Variants in CTIF observed in about 807,000 individuals in gnomAD.
The protein encoded by CTIF is cap binding complex dependent translation initiation factor.
Under a neutral mutation model 66.0 loss-of-function variants are expected in CTIF, and 21 were observed. The observed-to-expected ratio is 0.32, with a 90% CI of 0.23 to 0.46. CTIF has a LOEUF of 0.46. Among genes scored for constraint, CTIF ranks in the 20% least tolerant of loss-of-function variants. The probability of loss-of-function intolerance (pLI) is 1.00; values close to 1 mark genes in which losing one functional copy is unlikely to be tolerated. For missense variants in CTIF, 739 were observed against 812.7 expected (o/e 0.91, Z 1.10); for synonymous variants, 345 against 326.4 (o/e 1.06, Z -0.62).
intron 6 of CTIF, among the ~76,000 whole-genome samples, chr18:48,680,947 T>C (rs2091729670): frequency 6.6e-6 from 1 of 152,076 alleles, no homozygotes; most frequent in African/African-American, 2.4e-5. Context: ...CTGGGAGCAG[T>C]GGTGGTGGAG....
At chr18:48,565,508 G>A (rs1362514642) in intron 1 of CTIF, 1 of 152,056 alleles carries the variant, frequency 6.6e-6, no homozygotes, top group Non-Finnish European at 1.5e-5. Context: ...GGATTTTGCT[G>A]CTGACACCAG....
At chr18:48,596,165 G>A (rs764210185) in intron 1 of CTIF, among the ~76,000 whole-genome samples, 3 of 152,166 alleles carry the variant, frequency 2.0e-5, no homozygotes, top group Non-Finnish European at 4.4e-5. Context: ...TGCTTACCAC[G>A]GTGACATAGA....
chr18:48,806,396 T>C (rs891364521), intron 9 of CTIF, among the ~76,000 whole-genome samples: 1 of 152,048 alleles, frequency 6.6e-6, no homozygotes, highest in African/African-American at 2.4e-5. Flanking sequence ...TAAATAAAAG[T>C]GCACTTTCTC....
At chr18:48,857,455 C>G (rs1568273629) in intron 10 of CTIF, 133 bp from the exon 11 acceptor site, 1 of 741,668 alleles carries the variant, frequency 1.3e-6, no homozygotes, top group African/African-American at 1.8e-5. Flanking sequence ...TCACTCTAGC[C>G]TGAACCTTGG....
chr18:48,827,303 T>C (rs907138411), intron 10 of CTIF, among the ~76,000 whole-genome samples: 6 of 152,178 alleles, frequency 3.9e-5, no homozygotes, highest in South Asian at 2.1e-4. Context: ...AGAAATGTGC[T>C]GAGATAACAA....
At chr18:48,634,727 C>A (rs35542571) in intron 2 of CTIF, among the ~76,000 whole-genome samples, 2 of 152,098 alleles carry the variant, frequency 1.3e-5, no homozygotes, top group Non-Finnish European at 2.9e-5. Context: ...AGGGGTCAGC[C>A]CCTCTGCAGT....
chr18:48,778,361 G>A lies in CTIF; in HGVS notation c.1371+16672G>A, dbSNP rs559572433. The stretch of plus-strand genomic sequence containing the variant: ...GAGCCCCAGGTCTGCAGGAGTGCAG[G>A]GGAGGATGTGAGCAGGTCAGTCACA... On this transcript the variant is annotated intron_variant, in intron 9 of 11. Transcript: ENST00000256413. Among the ~76,000 whole-genome samples the A allele has an allele frequency of 2.0e-5, 3 of 152,332 alleles. No individual in the cohort carries two copies. The South Asian group carries it at 6.2e-4, about 32-fold the overall frequency.
At chr18:48,544,005 G>A (rs1227023647) in intron 1 of CTIF, among the ~76,000 whole-genome samples, 2 of 152,138 alleles carry the variant, frequency 1.3e-5, no homozygotes, top group African/African-American at 4.8e-5. Context: ...CTTAAGCTTG[G>A]TCTGTGGCTT....
intron 5 of CTIF, among the ~76,000 whole-genome samples, chr18:48,669,578 G>A (rs917955559): frequency 1.3e-5 from 2 of 151,644 alleles, no homozygotes; most frequent in Non-Finnish European, 2.9e-5. Context: ...CTGCCTCTTT[G>A]CCTAAACAAC....
rs373544723 is a variant in CTIF at position 48,817,267 on chromosome 18, G to A, written c.1418G>A (p.Arg473His). 4.6e-5 allele frequency: 75 copies of A among 1,614,006 alleles called. No individual in the cohort carries two copies. The Middle Eastern group carries it at 5.0e-4, about 11-fold the overall frequency. ...GAGCTGCAGCAGCAGGACGTGGAGC[G>A]CTGGCTGGGCTTCATCACCTTCCTG... ...REELQQQDVE[R>H]WLGFITFLCE... Residue 473 changes from arginine to histidine, a missense_variant, in exon 10 of 12, where the codon CGC becomes CAC. Arg to His is a conservative substitution (Grantham distance 29). Coordinates refer to ENST00000256413, the MANE Select transcript of CTIF (RefSeq NM_014772.3).
intron 5 of CTIF, among the ~76,000 whole-genome samples, chr18:48,670,160 G>A (rs1238970034): frequency 1.3e-5 from 2 of 151,942 alleles, no homozygotes; most frequent in African/African-American, 4.8e-5. Context: ...CAGCCTCTCT[G>A]GCCCGAGGGC....
At chr18:48,587,128 C>G (rs910692139) in intron 1 of CTIF, among the ~76,000 whole-genome samples, 4 of 147,148 alleles carry the variant, frequency 2.7e-5, no homozygotes, top group African/African-American at 1.0e-4. Flanking sequence ...GTTGCTCAGA[C>G]TGGAATGCCG....
chr18:48,775,542 G>A (rs953929141), intron 9 of CTIF, among the ~76,000 whole-genome samples: 1 of 152,242 alleles, frequency 6.6e-6, no homozygotes, highest in Admixed American at 6.5e-5. Flanking sequence ...TCTCCAAGGG[G>A]CCCTGGGACT....
Position 48,711,657 on chromosome 18 carries a change from C to T in CTIF, c.546C>T (p.His182=), listed in dbSNP as rs1018326426. 6.8e-6 allele frequency: 11 copies of T among 1,614,002 alleles called. No individual in the cohort carries two copies. The highest frequency in any genetic ancestry group is 1.3e-5 in the African/African-American group (1 of 74,918). Reference sequence around the variant, plus strand: ...TGCCCCATGAAGTGGAGATCGCACACACCAAGAAGCTGTTCCGCAGGAGGA... The same window carrying T: ...TGCCCCATGAAGTGGAGATCGCACATACCAAGAAGCTGTTCCGCAGGAGGA... ...HPMPHEVEIA[H]TKKLFRRRRN... is the part of the protein sequence containing the mutation. Residue 182 remains histidine (H), a synonymous_variant, in exon 7 of 12, where the codon CAC becomes CAT. Coordinates refer to ENST00000256413, the MANE Select transcript of CTIF (RefSeq NM_014772.3).
chr18:48,854,997 T>TCTGCATTTCCACCGCCCCGGAG (rs1293177146), intron 10 of CTIF, among the ~76,000 whole-genome samples: 7 of 152,224 alleles, frequency 4.6e-5, no homozygotes, highest in South Asian at 2.1e-4. Flanking sequence ...TGGTTTGTTT[T>TCTGCATTTCCACCGCCCCGGAG]CTGCATTTCC....
intron 10 of CTIF, among the ~76,000 whole-genome samples, chr18:48,831,724 C>G (rs1395821113): frequency 6.6e-6 from 1 of 152,216 alleles, no homozygotes; most frequent in Non-Finnish European, 1.5e-5. Context: ...GAAAAGGGAA[C>G]AGGTGAAATT....
At chr18:48,643,268 A>G (rs1334324107) in intron 3 of CTIF, among the ~76,000 whole-genome samples, 3 of 152,258 alleles carry the variant, frequency 2.0e-5, no homozygotes, top group Admixed American at 6.5e-5. Flanking sequence ...ACATGTATAC[A>G]TGGGAGGCTG....
intron 6 of CTIF, among the ~76,000 whole-genome samples, chr18:48,695,007 C>T (rs143370028): frequency 2.1e-3 from 327 of 152,336 alleles, no homozygotes; most frequent in African/African-American, 7.2e-3. Context: ...GCAAGTTCCT[C>T]ATGCTTTTTA....
intron 9 of CTIF, among the ~76,000 whole-genome samples, chr18:48,802,192 C>T (rs1371656709): frequency 6.6e-6 from 1 of 152,200 alleles, no homozygotes; most frequent in Non-Finnish European, 1.5e-5. Context: ...TTTTATTTTG[C>T]GGTTGGCCTG....
Sources: allele counts gnomAD v4.1 joint callset (sites outside exome capture counted in the v4.1 genomes callset), GRCh38; gene constraint gnomAD v4.1.1; transcripts MANE v1.5; gene names NCBI Gene and HGNC (gene_info 2026-07-23, HGNC 2026-07-21).